ZNHIT6: variants seen among roughly 807,000 people sequenced by gnomAD.
ZNHIT6 encodes the protein box C/D snoRNA protein 1.
A neutral mutation model predicts 57.2 loss-of-function variants in ZNHIT6; 45 were observed. That is an observed-to-expected ratio of 0.79 (90% CI 0.62 to 1.01). The LOEUF (loss-of-function observed/expected upper bound fraction) is 1.01, where lower values mean the gene tolerates loss of function less well. ZNHIT6 is among the 50% of genes least tolerant of loss of function. ZNHIT6 has a pLI of 0.00. For missense variants in ZNHIT6, 528 were observed against 567.3 expected (o/e 0.93, Z 0.70); for synonymous variants, 188 against 190.0 (o/e 0.99, Z 0.09).
chr1:85,686,811 G>A (rs575783161), intron 5 of ZNHIT6, among the ~76,000 whole-genome samples: 18 of 152,238 alleles, frequency 1.2e-4, no homozygotes, highest in East Asian at 1.2e-3. Context: ...CCAGAGGTAG[G>A]ATGGGGGAGA....
chr1:85,681,563 T>C (rs1260219689), intron 5 of ZNHIT6, among the ~76,000 whole-genome samples: 1 of 152,228 alleles, frequency 6.6e-6, no homozygotes, highest in Admixed American at 6.5e-5. Flanking sequence ...ATGTCTTCAC[T>C]ACATGATGAT....
chr1:85,688,109 C>T (rs555644088), intron 5 of ZNHIT6, among the ~76,000 whole-genome samples: 1 of 151,764 alleles, frequency 6.6e-6, no homozygotes, highest in South Asian at 2.1e-4. Flanking sequence ...TACCAGAGAG[C>T]ACAGCAAGTA....
chr1:85,691,450 A>G (rs1351532770), intron 5 of ZNHIT6, among the ~76,000 whole-genome samples: 2 of 152,242 alleles, frequency 1.3e-5, no homozygotes, highest in South Asian at 2.1e-4. Context: ...CAGACAGTAC[A>G]AGACTCAAAA....
intron 8 of ZNHIT6, among the ~76,000 whole-genome samples, chr1:85,659,231 G>C (rs1661159985): frequency 6.6e-6 from 1 of 152,152 alleles, no homozygotes; most frequent in Non-Finnish European, 1.5e-5. Flanking sequence ...AAATAAGTCT[G>C]AGGTGGCTGA....
At position 85,656,324 on chromosome 1, in the gene ZNHIT6, T is replaced by A. The variant is rs937226851; in HGVS notation, c.1372+1523A>T. Among the ~76,000 whole-genome samples the A allele has an allele frequency of 2.6e-5, 4 of 152,156 alleles. No homozygotes were observed. In the East Asian group the frequency reaches 5.8e-4, roughly 22 times the overall value. On this transcript the variant is annotated intron_variant, in intron 9 of 9. Coordinates refer to ENST00000370574, the MANE Select transcript of ZNHIT6 (RefSeq NM_017953.4). ...TCCTCTGTACTAAAAGCATGAGTCA[T>A]TTGTGTTCCTGTAAATAAGTCAAAC...
rs200292057 is a variant in ZNHIT6, at chr1:85,651,839, T to G, written c.*2219A>C. 1.3e-5 allele frequency: 2 copies of G among 152,300 alleles called. No individual in the cohort carries two copies. Among genetic ancestry groups the G allele is most frequent in the East Asian group, 3.9e-4 (2 of 5,178 alleles). 9.4% of individuals were successfully genotyped at this position (152,300 alleles called of 1,614,324 possible). A position where few individuals can be genotyped will look rare whatever the true frequency, so the allele number is the denominator to read the frequency against. The stretch of plus-strand genomic sequence containing the variant: ...TCAATGCTACAAACATCTAGGGTTT[T>G]CAGTTAGTTATTCCAATTTCATTCT... On this transcript the variant is annotated 3_prime_UTR_variant, in exon 10 of 10. Coordinates refer to ENST00000370574, the MANE Select transcript of ZNHIT6 (RefSeq NM_017953.4).
At chr1:85,688,844 A>G (rs1266669575) in intron 5 of ZNHIT6, among the ~76,000 whole-genome samples, 2 of 150,982 alleles carry the variant, frequency 1.3e-5, no homozygotes, top group Non-Finnish European at 2.9e-5. Context: ...GGACACAATA[A>G]AGAATCAGAA....
intron 2 of ZNHIT6, 42 bp from the exon 3 acceptor site, chr1:85,706,397 G>C (rs1382337227): frequency 1.2e-6 from 2 of 1,613,616 alleles, no homozygotes; most frequent in Non-Finnish European, 1.7e-6. Flanking sequence ...TTTAGGGTAA[G>C]AAAGGTACAG....
chr1:85,707,509 A>G, intron 1 of ZNHIT6, 120 bp downstream of exon 1: 1 of 1,218,230 alleles, frequency 8.2e-7, no homozygotes, highest in South Asian at 1.7e-5. Flanking sequence ...CTGACTCCAG[A>G]AACCCAAACT....
At chr1:85,700,017 CTT>C (rs1662484185) in intron 5 of ZNHIT6, among the ~76,000 whole-genome samples, 1 of 151,878 alleles carries the variant, frequency 6.6e-6, no homozygotes. Flanking sequence ...AGTCATGTCA[CTT>C]TATATAGTTT....
intron 5 of ZNHIT6, among the ~76,000 whole-genome samples, chr1:85,685,756 G>C (rs1662015271): frequency 6.6e-6 from 1 of 151,930 alleles, no homozygotes; most frequent in South Asian, 2.1e-4. Context: ...ACAAGCTCTT[G>C]CTATGTTGCC....
intron 5 of ZNHIT6, among the ~76,000 whole-genome samples, chr1:85,694,986 G>A (rs1662324505): frequency 6.6e-6 from 1 of 152,016 alleles, no homozygotes. Flanking sequence ...AAAATAAGAT[G>A]GGCACAGTGG....
intron 8 of ZNHIT6, among the ~76,000 whole-genome samples, chr1:85,661,340 G>T (rs1294989085): frequency 6.6e-6 from 1 of 152,060 alleles, no homozygotes; most frequent in African/African-American, 2.4e-5. Context: ...TTGAAAATGG[G>T]GATAATGACA....
At chr1:85,695,800 G>A (rs1662350766) in intron 5 of ZNHIT6, among the ~76,000 whole-genome samples, 1 of 152,244 alleles carries the variant, frequency 6.6e-6, no homozygotes, top group Non-Finnish European at 1.5e-5. Context: ...ACTTTGGGAG[G>A]CCGAGGCGGG....
chr1:85,694,589 G>A (rs1215391230), intron 5 of ZNHIT6, among the ~76,000 whole-genome samples: 3 of 152,060 alleles, frequency 2.0e-5, no homozygotes, highest in Admixed American at 6.6e-5. Flanking sequence ...AGCCTCCCGC[G>A]TAGCTGGGAT....
At chr1:85,688,412 A>G (rs1429892809) in intron 5 of ZNHIT6, among the ~76,000 whole-genome samples, 1 of 152,224 alleles carries the variant, frequency 6.6e-6, no homozygotes, top group Non-Finnish European at 1.5e-5. Context: ...TGAAAGTTCA[A>G]AAATAAACTA....
chr1:85,674,307 T>G (rs1428762283), intron 8 of ZNHIT6, among the ~76,000 whole-genome samples: 4 of 149,584 alleles, frequency 2.7e-5, no homozygotes, highest in African/African-American at 9.8e-5. Flanking sequence ...TATCTTTTTC[T>G]TTTTTTTTTC....
intron 9 of ZNHIT6, 35 bp from the exon 10 acceptor site, chr1:85,654,133 T>C (rs771884379): frequency 6.3e-6 from 10 of 1,594,122 alleles, no homozygotes; most frequent in Non-Finnish European, 7.7e-6. Flanking sequence ...AGTCAAGTGT[T>C]TATATTTTTC....
intron 6 of ZNHIT6, 134 bp from the exon 7 acceptor site, chr1:85,678,915 G>T: frequency 2.1e-6 from 1 of 484,574 alleles, no homozygotes; most frequent in Non-Finnish European, 3.6e-6. Flanking sequence ...TATTACTCTT[G>T]GCAAAATAAA....
Sources: gnomAD v4.1 joint callset for allele counts (sites outside exome capture counted in the v4.1 genomes callset) on GRCh38, gnomAD v4.1.1 for gene constraint, MANE v1.5 for transcripts, NCBI Gene and HGNC (gene_info 2026-07-23, HGNC 2026-07-21) for gene names.